TENM3: variants seen among roughly 807,000 people sequenced by gnomAD.
TENM3 encodes the protein teneurin transmembrane protein 3, also known as teneurin-3.
Under a neutral mutation model 255.1 loss-of-function variants are expected in TENM3, and 63 were observed. The ratio of observed to expected loss-of-function variants is 0.25; its 90% confidence interval spans 0.20 to 0.30. The LOEUF (loss-of-function observed/expected upper bound fraction) is 0.30. TENM3 is among the 10% of genes least tolerant of loss of function. TENM3 has a pLI of 1.00. For missense variants in TENM3, 2,929 were observed against 3,461.1 expected (o/e 0.85, Z 3.86); for synonymous variants, 1,306 against 1,322.3 (o/e 0.99, Z 0.27).
chr4:182,556,383 A>G lies in TENM3; in HGVS notation c.512-44541A>G, dbSNP rs115232978. Among the ~76,000 whole-genome samples, 698 of 152,330 alleles carry G rather than the reference A, an allele frequency of 4.6e-3. 3 individuals carry two copies. Among genetic ancestry groups the G allele is most frequent in the African/African-American group, 0.015 (631 of 41,574 alleles). ...AGAAAGCATTTTGCTTGTAACTTGC[A>G]GTGGAGTAAACAGACCATTCAGGCA... On this transcript the variant is annotated intron_variant, in intron 3 of 27. Coordinates refer to ENST00000511685, the MANE Select transcript of TENM3 (RefSeq NM_001080477.4).
intron 12 of TENM3, among the ~76,000 whole-genome samples, chr4:182,708,473 A>C (rs1216921208): frequency 1.3e-5 from 2 of 152,192 alleles, no homozygotes; most frequent in Non-Finnish European, 2.9e-5. Context: ...TTTTCTGGGA[A>C]GAGAACCCAA....
chr4:181,526,691 G>A, the TENM3 span, among the ~76,000 whole-genome samples: 3 of 152,134 alleles, frequency 2.0e-5, no homozygotes, highest in Non-Finnish European at 1.5e-5. Context: ...GGTGATTCTT[G>A]TCATTTGTAA....
the TENM3 span, among the ~76,000 whole-genome samples, chr4:181,794,371 G>A: frequency 6.6e-6 from 1 of 152,062 alleles, no homozygotes; most frequent in Non-Finnish European, 1.5e-5. Context: ...TCACCACGCT[G>A]TGCATTAGAT....
the TENM3 span, among the ~76,000 whole-genome samples, chr4:181,811,624 G>T: frequency 6.6e-6 from 1 of 152,210 alleles, no homozygotes. Context: ...AATCATGGTG[G>T]AAGACAAAGC....
the TENM3 span, among the ~76,000 whole-genome samples, chr4:181,991,069 A>T: frequency 6.6e-6 from 1 of 152,166 alleles, no homozygotes; most frequent in Non-Finnish European, 1.5e-5. Flanking sequence ...AGCCTTTCCT[A>T]TATCTTCTGA....
chr4:182,047,631 A>T, the TENM3 span, among the ~76,000 whole-genome samples: 1 of 151,770 alleles, frequency 6.6e-6, no homozygotes, highest in African/African-American at 2.4e-5. Flanking sequence ...AGTAGGCAGC[A>T]TCTATTCTAG....
intron 3 of TENM3, among the ~76,000 whole-genome samples, chr4:182,361,553 C>T (rs552333053): frequency 6.6e-6 from 1 of 152,112 alleles, no homozygotes; most frequent in African/African-American, 2.4e-5. Context: ...GTTCTCGAGC[C>T]TTGGCTTTCA....
At chr4:182,386,967 C>T (rs1704341187) in intron 3 of TENM3, among the ~76,000 whole-genome samples, 1 of 152,262 alleles carries the variant, frequency 6.6e-6, no homozygotes, top group Non-Finnish European at 1.5e-5. Context: ...GGCAGCTCCA[C>T]CTGCAGCCCC....
At chr4:182,567,809 T>G (rs2152001165) in intron 3 of TENM3, among the ~76,000 whole-genome samples, 1 of 149,284 alleles carries the variant, frequency 6.7e-6, no homozygotes, top group East Asian at 2.0e-4. Context: ...TGTAATTATA[T>G]TATTAATTGT....
chr4:181,862,842 A>T, the TENM3 span, among the ~76,000 whole-genome samples: 1 of 152,154 alleles, frequency 6.6e-6, no homozygotes. Context: ...CATGAAAGGT[A>T]ACTCTAGTGG....
At chr4:182,333,485 G>T (rs535369062) in intron 2 of TENM3, among the ~76,000 whole-genome samples, 1 of 152,242 alleles carries the variant, frequency 6.6e-6, no homozygotes, top group East Asian at 1.9e-4. Flanking sequence ...GGAAAACCAT[G>T]ATCTTATCAA....
At chr4:181,563,839 C>T in the TENM3 span, among the ~76,000 whole-genome samples, 89 of 152,196 alleles carry the variant, frequency 5.8e-4, no homozygotes, top group African/African-American at 1.9e-3. Flanking sequence ...CATACAATAG[C>T]TCATACAATC....
chr4:182,786,268 A>G (rs1765646953), intron 24 of TENM3, among the ~76,000 whole-genome samples: 1 of 152,046 alleles, frequency 6.6e-6, no homozygotes, highest in Non-Finnish European at 1.5e-5. Flanking sequence ...TGCAAATCGG[A>G]AGCCAGGGCT....
chr4:182,065,872 C>G, the TENM3 span, among the ~76,000 whole-genome samples: 7 of 152,316 alleles, frequency 4.6e-5, no homozygotes, highest in East Asian at 1.3e-3. Context: ...CGAATTCCCT[C>G]ATAAGGAAGG....
At chr4:182,479,356 A>G (rs1733975640) in intron 3 of TENM3, among the ~76,000 whole-genome samples, 1 of 151,756 alleles carries the variant, frequency 6.6e-6, no homozygotes, top group South Asian at 2.1e-4. Context: ...TTACCTTTTT[A>G]TTTATTTTAT....
At chr4:182,777,147 G>A (rs1260581371) in intron 24 of TENM3, among the ~76,000 whole-genome samples, 5 of 152,044 alleles carry the variant, frequency 3.3e-5, no homozygotes, top group African/African-American at 1.2e-4. Context: ...AAGACAGTGA[G>A]AATCAGCCCA....
At chr4:181,811,629 C>G in the TENM3 span, among the ~76,000 whole-genome samples, 1 of 152,158 alleles carries the variant, frequency 6.6e-6, no homozygotes, top group East Asian at 1.9e-4. Flanking sequence ...TGGTGGAAGA[C>G]AAAGCATGAG....
At chr4:182,684,626 G>GT (rs1416966687) in intron 11 of TENM3, among the ~76,000 whole-genome samples, 2 of 152,220 alleles carry the variant, frequency 1.3e-5, no homozygotes, top group East Asian at 3.9e-4. Context: ...ACCTTAGACA[G>GT]TAAGTGCTCA....
the TENM3 span, among the ~76,000 whole-genome samples, chr4:181,785,283 A>T: frequency 3.3e-5 from 5 of 152,286 alleles, no homozygotes; most frequent in East Asian, 7.8e-4. Context: ...AAAGCTTAAT[A>T]AATGAAATCA....
Sources: allele counts gnomAD v4.1 joint callset (sites outside exome capture counted in the v4.1 genomes callset), GRCh38; gene constraint gnomAD v4.1.1; transcripts MANE v1.5; gene names NCBI Gene and HGNC (gene_info 2026-07-23, HGNC 2026-07-21).